ABHD17C: variants seen among roughly 807,000 people sequenced by gnomAD.
ABHD17C encodes the protein abhydrolase domain containing 17C, depalmitoylase.
Under a neutral mutation model 27.9 loss-of-function variants are expected in ABHD17C, and 11 were observed. That is an observed-to-expected ratio of 0.39 (90% CI 0.25 to 0.65). The LOEUF (loss-of-function observed/expected upper bound fraction) is 0.65. Among genes scored for constraint, ABHD17C ranks in the 30% least tolerant of loss-of-function variants. ABHD17C has a pLI of 0.45. For synonymous variants in ABHD17C, 233 were observed against 209.1 expected (o/e 1.11, Z -0.98); for missense variants, 280 against 470.2 (o/e 0.60, Z 3.74).
chr15:80,746,053 C>T (rs1039750275), intron 1 of ABHD17C, among the ~76,000 whole-genome samples: 2 of 152,182 alleles, frequency 1.3e-5, no homozygotes, highest in Non-Finnish European at 1.5e-5. Context: ...ACATAAGTCC[C>T]CATCAACAGT....
intron 1 of ABHD17C, among the ~76,000 whole-genome samples, chr15:80,712,067 G>T (rs187196282): frequency 6.6e-6 from 1 of 152,150 alleles, no homozygotes; most frequent in African/African-American, 2.4e-5. Context: ...CAGACTTCCC[G>T]TTCTCTGTCC....
chr15:80,732,992 C>T (rs946364609), intron 1 of ABHD17C, among the ~76,000 whole-genome samples: 1 of 152,168 alleles, frequency 6.6e-6, no homozygotes, highest in African/African-American at 2.4e-5. Flanking sequence ...AGGATTAAGG[C>T]TGGCCTGCCC....
chr15:80,703,998 A>G (rs1289647951), intron 1 of ABHD17C, among the ~76,000 whole-genome samples: 3 of 152,230 alleles, frequency 2.0e-5, no homozygotes, highest in Admixed American at 2.0e-4. Context: ...CCAATATACT[A>G]TAATGAAAGT....
chr15:80,726,508 T>TG (rs1211739927), intron 1 of ABHD17C, among the ~76,000 whole-genome samples: 3 of 136,140 alleles, frequency 2.2e-5, no homozygotes, highest in Non-Finnish European at 3.1e-5. Flanking sequence ...CTGGTTTTTT[T>TG]TTTTTTTTTT....
At position 80,754,514 on chromosome 15, in the gene ABHD17C, A is replaced by G; in HGVS notation, c.*144A>G. 1 of 673,972 alleles carries G rather than the reference A, an allele frequency of 1.5e-6. No homozygotes were observed. Among genetic ancestry groups the G allele is most frequent in the East Asian group, 2.7e-5 (1 of 36,500 alleles). 41.7% of individuals were successfully genotyped at this position (673,972 alleles called of 1,614,324 possible). A position where few individuals can be genotyped will look rare whatever the true frequency, so the allele number is the denominator to read the frequency against. On this transcript the variant is annotated 3_prime_UTR_variant, in exon 3 of 3. Transcript: ENST00000258884. Reference sequence around the variant, plus strand: ...GTGTTCTAATCAAAGAGCTGATGAAATCTCAGTCTTTTGTATCTAGAGGTG... The same window carrying G: ...GTGTTCTAATCAAAGAGCTGATGAAGTCTCAGTCTTTTGTATCTAGAGGTG...
chr15:80,698,038 G>A (rs1481857744), intron 1 of ABHD17C, among the ~76,000 whole-genome samples: 1 of 150,374 alleles, frequency 6.7e-6, no homozygotes, highest in East Asian at 1.9e-4. Context: ...AGCACACATA[G>A]CAGAATATGT....
intron 2 of ABHD17C, among the ~76,000 whole-genome samples, chr15:80,752,494 G>C (rs1354158953): frequency 6.6e-6 from 1 of 152,130 alleles, no homozygotes; most frequent in East Asian, 1.9e-4. Flanking sequence ...TAATCTCTCT[G>C]AGCTTCAGTT....
chr15:80,724,589 A>G (rs996493985), intron 1 of ABHD17C, among the ~76,000 whole-genome samples: 7 of 152,214 alleles, frequency 4.6e-5, no homozygotes, highest in Non-Finnish European at 1.0e-4. Flanking sequence ...ATAAGGCTGA[A>G]AAAATATAAA....
chr15:80,750,733 G>T (rs1017458478), intron 2 of ABHD17C, among the ~76,000 whole-genome samples: 11 of 152,086 alleles, frequency 7.2e-5, no homozygotes. Context: ...TGGCGTGGCT[G>T]GGAATGCTAA....
Position 80,727,498 on chromosome 15 carries a change from G to A in ABHD17C, c.591-22015G>A, listed in dbSNP as rs558222287. ...CTCTTGATCCTTTGGCTAACAATCA[G>A]TGTCATAGCATAGCATTCTTTTCAA... On this transcript the variant is annotated intron_variant, in intron 1 of 2. Transcript: ENST00000258884. Among the ~76,000 whole-genome samples the A allele has an allele frequency of 5.3e-5, 8 of 152,264 alleles. No individual in the cohort carries two copies. In the South Asian group the frequency reaches 1.7e-3, roughly 32 times the overall value.
intron 1 of ABHD17C, among the ~76,000 whole-genome samples, chr15:80,712,631 G>A (rs1309168547): frequency 2.0e-5 from 3 of 152,212 alleles, no homozygotes; most frequent in Non-Finnish European, 2.9e-5. Context: ...AGGGAGGAGT[G>A]TGTCCATCTG....
intron 1 of ABHD17C, among the ~76,000 whole-genome samples, chr15:80,710,256 G>A (rs937085743): frequency 3.3e-5 from 5 of 152,210 alleles, no homozygotes; most frequent in Admixed American, 3.3e-4. Flanking sequence ...AGCAGGGCAA[G>A]TAAGGGGTGC....
intron 1 of ABHD17C, among the ~76,000 whole-genome samples, chr15:80,739,760 C>CA (rs1895181687): frequency 6.6e-6 from 1 of 152,196 alleles, no homozygotes; most frequent in African/African-American, 2.4e-5. Flanking sequence ...ATAAATTACT[C>CA]AGTCTCAGGT....
intron 1 of ABHD17C, among the ~76,000 whole-genome samples, chr15:80,731,137 C>T (rs1476882867): frequency 6.6e-6 from 1 of 152,144 alleles, no homozygotes; most frequent in Non-Finnish European, 1.5e-5. Context: ...CACGCAGAAC[C>T]CCAAATCCCA....
intron 1 of ABHD17C, among the ~76,000 whole-genome samples, chr15:80,707,590 A>C: frequency 6.6e-6 from 1 of 152,052 alleles, no homozygotes; most frequent in East Asian, 1.9e-4. Flanking sequence ...AAACGCAAAA[A>C]ATCTCACAAT....
At chr15:80,736,442 G>A (rs923904018) in intron 1 of ABHD17C, among the ~76,000 whole-genome samples, 3 of 152,052 alleles carry the variant, frequency 2.0e-5, no homozygotes, top group African/African-American at 7.2e-5. Context: ...CATGACCGAG[G>A]GACTGTGTTT....
chr15:80,726,162 T>G (rs1185903454), intron 1 of ABHD17C, among the ~76,000 whole-genome samples: 1 of 152,262 alleles, frequency 6.6e-6, no homozygotes, highest in Non-Finnish European at 1.5e-5. Flanking sequence ...AAGGCACAGA[T>G]CGCTCATGCT....
At chr15:80,752,140 G>A (rs1392080351) in intron 2 of ABHD17C, among the ~76,000 whole-genome samples, 2 of 152,182 alleles carry the variant, frequency 1.3e-5, no homozygotes, top group African/African-American at 2.4e-5. Flanking sequence ...ACTGTGCAGC[G>A]TGGAGCATAG....
At chr15:80,739,431 A>C (rs1266909451) in intron 1 of ABHD17C, among the ~76,000 whole-genome samples, 3 of 152,134 alleles carry the variant, frequency 2.0e-5, no homozygotes, top group Non-Finnish European at 4.4e-5. Flanking sequence ...TCCAAATCTC[A>C]TGTTGAAATG....
Sources: gnomAD v4.1 joint callset for allele counts (sites outside exome capture counted in the v4.1 genomes callset) on GRCh38, gnomAD v4.1.1 for gene constraint, MANE v1.5 for transcripts, NCBI Gene and HGNC (gene_info 2026-07-23, HGNC 2026-07-21) for gene names.